Variants in GPHN observed in about 807,000 individuals in gnomAD.
GPHN encodes the protein gephyrin.
GPHN carries 17 observed loss-of-function variants against 95.5 expected under a neutral mutation model. The observed-to-expected ratio is 0.18, with a 90% confidence interval of 0.12 to 0.27. The LOEUF is 0.27. GPHN is among the 10% of genes least tolerant of loss of function. The pLI is 1.00. For synonymous variants in GPHN, 320 were observed against 322.5 expected (o/e 0.99, Z 0.08); for missense variants, 660 against 978.1 (o/e 0.67, Z 4.34).
the GPHN span, among the ~76,000 whole-genome samples, chr14:67,624,610 C>T: frequency 6.6e-6 from 1 of 152,134 alleles, no homozygotes; most frequent in East Asian, 1.9e-4. Context: ...CATGAGACAG[C>T]ACTAGGGAGA....
the GPHN span, among the ~76,000 whole-genome samples, chr14:67,499,937 G>A: frequency 6.6e-6 from 1 of 152,174 alleles, no homozygotes; most frequent in African/African-American, 2.4e-5. Context: ...AAGGAGGGGA[G>A]TGGTCTCCTG....
chr14:67,078,048 A>T (rs927862114), intron 11 of GPHN, among the ~76,000 whole-genome samples: 1 of 152,172 alleles, frequency 6.6e-6, no homozygotes, highest in Non-Finnish European at 1.5e-5. Context: ...TACAGAATTT[A>T]TGCAATACAA....
intron 1 of GPHN, among the ~76,000 whole-genome samples, chr14:66,620,992 T>G (rs2063267172): frequency 6.6e-6 from 1 of 151,872 alleles, no homozygotes; most frequent in African/African-American, 2.4e-5. Context: ...AGAGAGAGAG[T>G]CTAACTCTGT....
chr14:67,224,445 A>G, the GPHN span, among the ~76,000 whole-genome samples: 3 of 151,814 alleles, frequency 2.0e-5, no homozygotes, highest in Non-Finnish European at 4.4e-5. Context: ...TATTTTTAGT[A>G]GAGATGGGGT....
the GPHN span, among the ~76,000 whole-genome samples, chr14:67,479,429 T>C: frequency 8.1e-4 from 119 of 146,702 alleles, 1 homozygote; most frequent in Middle Eastern, 7.6e-3. Context: ...AAAAAAATGC[T>C]TGTGGAAGCT....
intron 2 of GPHN, among the ~76,000 whole-genome samples, chr14:66,756,114 A>T (rs1192271260): frequency 6.6e-6 from 1 of 152,162 alleles, no homozygotes; most frequent in Admixed American, 6.6e-5. Context: ...TGCTCAAAAA[A>T]GTTTTTGTTG....
the GPHN span, among the ~76,000 whole-genome samples, chr14:67,318,884 CATCTCTACT>C: frequency 6.6e-6 from 1 of 151,948 alleles, no homozygotes; most frequent in Non-Finnish European, 1.5e-5. Flanking sequence ...GGTGAAACTC[CATCTCTACT>C]AAAAAATACA....
the GPHN span, among the ~76,000 whole-genome samples, chr14:67,604,778 ATAT>A: frequency 6.9e-3 from 1,050 of 152,196 alleles, 1 homozygote; most frequent in Non-Finnish European, 0.011. Flanking sequence ...TTTACCTTTC[ATAT>A]TTAAGCCAAT....
At chr14:67,398,930 C>T in the GPHN span, among the ~76,000 whole-genome samples, 4 of 152,194 alleles carry the variant, frequency 2.6e-5, no homozygotes, top group South Asian at 2.1e-4. Context: ...TTTTTAATGA[C>T]GATTATGTGG....
At chr14:67,381,533 C>T in the GPHN span, 1 of 1,371,672 alleles carries the variant, frequency 7.3e-7, no homozygotes, top group Non-Finnish European at 1.0e-6. Flanking sequence ...GTTTGATTTC[C>T]TTTAAACTTT....
Position 66,748,503 on chromosome 14 carries a change from CATTG to C in GPHN, c.144-27959_144-27956del, listed in dbSNP as rs545858374. Among the ~76,000 whole-genome samples, 541 of 151,998 alleles carry C rather than the reference CATTG, an allele frequency of 3.6e-3. 8 individuals carry two copies. Among genetic ancestry groups the C allele is most frequent in the African/African-American group, 0.012 (515 of 41,514 alleles). ...TTTACCAGAGTGGTATATTTGTTGC[CATTG>C]AAGCTACATTGACGTATCATTATTA... is the stretch of plus-strand genomic sequence containing the variant. On this transcript the variant is annotated intron_variant, in intron 2 of 22. Coordinates refer to ENST00000478722, the MANE Select transcript of GPHN (RefSeq NM_020806.5).
chr14:67,014,294 T>G (rs964662500), intron 9 of GPHN, among the ~76,000 whole-genome samples: 7 of 152,170 alleles, frequency 4.6e-5, no homozygotes, highest in African/African-American at 1.7e-4. Flanking sequence ...AAATATCTTA[T>G]GAGATAGATG....
chr14:67,505,020 A>C, the GPHN span, among the ~76,000 whole-genome samples: 1 of 152,232 alleles, frequency 6.6e-6, no homozygotes, highest in Non-Finnish European at 1.5e-5. Context: ...ACATCCAGTC[A>C]AAGCAGCTAT....
chr14:67,479,465 C>T, the GPHN span, among the ~76,000 whole-genome samples: 6 of 150,318 alleles, frequency 4.0e-5, no homozygotes, highest in Non-Finnish European at 5.9e-5. Flanking sequence ...TGCCTGTAAT[C>T]CCAGTACTTT....
chr14:66,555,677 G>A (rs570273165), intron 1 of GPHN, among the ~76,000 whole-genome samples: 36 of 152,134 alleles, frequency 2.4e-4, no homozygotes, highest in Non-Finnish European at 4.6e-4. Flanking sequence ...CTTTAGGTTT[G>A]TCTTAGTGTT....
chr14:66,921,709 A>G (rs1437681513), intron 6 of GPHN, among the ~76,000 whole-genome samples: 1 of 152,170 alleles, frequency 6.6e-6, no homozygotes, highest in Non-Finnish European at 1.5e-5. Context: ...AAGAAAAACA[A>G]TTCTGAAATT....
At chr14:67,232,037 G>A in the GPHN span, among the ~76,000 whole-genome samples, 17 of 152,024 alleles carry the variant, frequency 1.1e-4, no homozygotes, top group African/African-American at 4.1e-4. Flanking sequence ...AGATTATCTG[G>A]TGGTTTTAAA....
At chr14:66,534,856 T>C (rs1566559593) in intron 1 of GPHN, among the ~76,000 whole-genome samples, 1 of 152,168 alleles carries the variant, frequency 6.6e-6, no homozygotes, top group African/African-American at 2.4e-5. Flanking sequence ...CTTATGGATT[T>C]ATAGGAATTC....
the GPHN span, among the ~76,000 whole-genome samples, chr14:67,671,186 T>C: frequency 2.0e-4 from 31 of 152,204 alleles, no homozygotes; most frequent in African/African-American, 7.0e-4. Context: ...ATGTATATAT[T>C]TTCTTTACTT....
Sources: allele counts gnomAD v4.1 joint callset (sites outside exome capture counted in the v4.1 genomes callset), GRCh38; gene constraint gnomAD v4.1.1; transcripts MANE v1.5; gene names NCBI Gene and HGNC (gene_info 2026-07-23, HGNC 2026-07-21).